The following NBEAL1 variants were observed in gnomAD, a reference collection of about 807,000 sequenced individuals.
The protein encoded by NBEAL1 is neurobeachin-like protein 1.
Under a neutral mutation model 351.3 loss-of-function variants are expected in NBEAL1, and 273 were observed. That is an observed-to-expected ratio of 0.78 (90% CI 0.70 to 0.86). The LOEUF is 0.86. NBEAL1 is among the 40% of genes least tolerant of loss of function. NBEAL1 has a pLI of 0.00. For missense variants in NBEAL1, 2,961 were observed against 3,201.3 expected, an observed-to-expected ratio of 0.92 and a Z score of 1.81; for synonymous variants, 1,050 against 1,086.4, an observed-to-expected ratio of 0.97 and a Z score of 0.66.
rs2063480602 is a variant in NBEAL1, at chr2:203,145,195, T to G, written c.5304+35T>G. On this transcript the variant is annotated intron_variant, in intron 33 of 55. Transcript: ENST00000683969. ...AAATGTTTTAATATCTAGTTTTTCT[T>G]GTTGATTTTAGGCATTTAATATTGA... The G allele has an allele frequency of 3.2e-6, 5 of 1,576,316 alleles. No homozygotes were observed. The East Asian group carries it at 1.1e-4, about 36-fold the overall frequency.
rs865926308 is a variant in NBEAL1 at position 203,016,273 on chromosome 2, C to G, written c.-112C>G. On this transcript the variant is annotated 5_prime_UTR_variant, in exon 2 of 56. Coordinates refer to ENST00000683969, the MANE Select transcript of NBEAL1 (RefSeq NM_001378026.1). ...GTTTCACTTCTTTTTGCTTTCTTTA[C>G]TGCTATGAGCTTTACTGAACGGCTG... 1.1e-4 allele frequency: 70 copies of G among 644,554 alleles called. No homozygotes were observed. In the Middle Eastern group the frequency reaches 2.3e-3, roughly 21 times the overall value. The allele number at this position is 644,554 out of a possible 1,614,324, so 39.9% of individuals were successfully genotyped here. A position where few individuals can be genotyped will look rare whatever the true frequency, so the allele number is the denominator to read the frequency against.
rs375424508 is a variant in NBEAL1, at chr2:203,100,589, C to G, written c.1269+877C>G. On this transcript the variant is annotated intron_variant, in intron 12 of 55. Transcript: ENST00000683969. ...GGAGGTAGGGTCTCCCTCTGTCGCC[C>G]AAGCTGGAGTGCAGTAGCACGATCT... Among the ~76,000 whole-genome samples, 45 of 151,146 alleles carry G rather than the reference C, an allele frequency of 3.0e-4. 1 individual carries two copies. Among genetic ancestry groups the G allele is most frequent in the Middle Eastern group, 3.4e-3 (1 of 294 alleles).
At chr2:203,193,956 C>A (rs1485030803) in intron 47 of NBEAL1, 45 bp downstream of exon 47, 2 of 1,096,736 alleles carry the variant, frequency 1.8e-6, no homozygotes, top group Non-Finnish European at 1.4e-6. Context: ...TCTCTAAATT[C>A]TGTACATTTT....
intron 33 of NBEAL1, 78 bp downstream of exon 33, chr2:203,145,238 C>A: frequency 8.1e-7 from 1 of 1,231,034 alleles, no homozygotes; most frequent in Non-Finnish European, 1.1e-6. Context: ...TAATACAGGC[C>A]CCAAACTTTA....
intron 46 of NBEAL1, among the ~76,000 whole-genome samples, chr2:203,192,022 T>C (rs1228192813): frequency 6.6e-6 from 1 of 152,208 alleles, no homozygotes; most frequent in East Asian, 1.9e-4. Flanking sequence ...ATTACAACAG[T>C]AGTGTATCTA....
At chr2:203,042,502 T>C (rs1174719102) in intron 3 of NBEAL1, among the ~76,000 whole-genome samples, 2 of 152,156 alleles carry the variant, frequency 1.3e-5, no homozygotes, top group Non-Finnish European at 2.9e-5. Flanking sequence ...TAATTGATTA[T>C]GTGGTTGAGC....
Position 203,107,770 on chromosome 2 carries a change from A to G in NBEAL1, c.1531A>G (p.Thr511Ala), listed in dbSNP as rs1421575812. The change falls in exon 14 of 56, where the codon ACT becomes GCT. Residue 511 changes from threonine (T) to alanine (A), a missense_variant. Thr to Ala is a moderately conservative substitution (Grantham distance 58). Transcript: ENST00000683969. ...RICCINRQSR[T>A]TCVNANMGIR... ...TTGTTGTATTAATAGACAGAGTCGA[A>G]CTACTTGTGTCAATGCAAACATGGG... 1.5e-5 allele frequency: 23 copies of G among 1,554,260 alleles called. No individual in the cohort carries two copies. Among genetic ancestry groups the G allele is most frequent in the Non-Finnish European group, 1.8e-5 (21 of 1,147,694 alleles).
At chr2:203,192,041 C>T (rs2105782774) in intron 46 of NBEAL1, among the ~76,000 whole-genome samples, 1 of 152,300 alleles carries the variant, frequency 6.6e-6, no homozygotes, top group East Asian at 1.9e-4. Flanking sequence ...TAAGCTCTAA[C>T]TTATAGATGT....
At chr2:203,168,947 A>G (rs1444878674) in intron 38 of NBEAL1, among the ~76,000 whole-genome samples, 1 of 151,970 alleles carries the variant, frequency 6.6e-6, no homozygotes, top group Non-Finnish European at 1.5e-5. Flanking sequence ...TAATAGTTAA[A>G]GAAACTATAA....
chr2:203,066,277 A>G (rs1375237074), intron 6 of NBEAL1, among the ~76,000 whole-genome samples: 1 of 151,984 alleles, frequency 6.6e-6, no homozygotes, highest in East Asian at 1.9e-4. Flanking sequence ...CAAACTGGAA[A>G]TAATCTCGTG....
At chr2:203,129,404 ACATGACTT>A (rs1254109468) in intron 24 of NBEAL1, among the ~76,000 whole-genome samples, 8 of 152,222 alleles carry the variant, frequency 5.3e-5, no homozygotes, top group Admixed American at 3.9e-4. Flanking sequence ...CTCAGTGGTT[ACATGACTT>A]CATTATCGGT....
At chr2:203,204,986 T>C (rs2065512117) in intron 51 of NBEAL1, among the ~76,000 whole-genome samples, 1 of 152,280 alleles carries the variant, frequency 6.6e-6, no homozygotes, top group African/African-American at 2.4e-5. Flanking sequence ...TCTTTTCTAA[T>C]ATACTAATTA....
intron 26 of NBEAL1, 120 bp downstream of exon 26, chr2:203,132,252 T>G (rs1007630789): frequency 2.5e-5 from 16 of 649,178 alleles, no homozygotes; most frequent in Non-Finnish European, 4.1e-5. Context: ...GGGCCTTCCT[T>G]GGATACCATA....
At chr2:203,201,279 C>T (rs1214473463) in intron 49 of NBEAL1, among the ~76,000 whole-genome samples, 2 of 152,066 alleles carry the variant, frequency 1.3e-5, no homozygotes, top group East Asian at 1.9e-4. Flanking sequence ...CTTTGAAATC[C>T]AAGATTTAAG....
intron 38 of NBEAL1, among the ~76,000 whole-genome samples, chr2:203,168,368 C>T (rs2064203929): frequency 6.6e-6 from 1 of 151,724 alleles, no homozygotes; most frequent in Non-Finnish European, 1.5e-5. Flanking sequence ...GGTGGATCAC[C>T]TGAAGTCAGG....
intron 18 of NBEAL1, among the ~76,000 whole-genome samples, chr2:203,118,432 C>T (rs759781290): frequency 6.6e-6 from 1 of 152,046 alleles, no homozygotes; most frequent in Non-Finnish European, 1.5e-5. Context: ...TTCTTTTTCC[C>T]AAAGATACAT....
chr2:203,144,068 G>A (rs1389189293), intron 31 of NBEAL1, among the ~76,000 whole-genome samples: 3 of 151,694 alleles, frequency 2.0e-5, no homozygotes, highest in Non-Finnish European at 4.4e-5. Context: ...AAAATTAGCC[G>A]GACATGGTGG....
At chr2:203,143,454 T>C (rs752558987) in intron 31 of NBEAL1, among the ~76,000 whole-genome samples, 2 of 145,048 alleles carry the variant, frequency 1.4e-5, no homozygotes, top group Non-Finnish European at 2.9e-5. Flanking sequence ...GTTAAGAAGA[T>C]TTTTTTGCTC....
intron 51 of NBEAL1, among the ~76,000 whole-genome samples, chr2:203,203,691 G>A (rs1298716156): frequency 6.6e-6 from 1 of 151,888 alleles, no homozygotes; most frequent in Admixed American, 6.6e-5. Context: ...GGGTGACTGA[G>A]CAAGATCCTA....
Sources: allele counts gnomAD v4.1 joint callset (sites outside exome capture counted in the v4.1 genomes callset), GRCh38; gene constraint gnomAD v4.1.1; transcripts MANE v1.5; gene names NCBI Gene and HGNC (gene_info 2026-07-23, HGNC 2026-07-21).